Variants in PDE4B observed in about 807,000 individuals in gnomAD.
PDE4B encodes phosphodiesterase 4B.
PDE4B carries 20 observed loss-of-function variants against 82.2 expected under a neutral mutation model. The ratio of observed to expected loss-of-function variants is 0.24; its 90% CI spans 0.17 to 0.35. The LOEUF is 0.35. Ranked by LOEUF, PDE4B falls within the 10% of genes least tolerant of loss-of-function variation. PDE4B has a pLI of 1.00. For synonymous variants in PDE4B, 320 were observed against 318.9 expected, an observed-to-expected ratio of 1.00 and a Z score of -0.04; for missense variants, 655 against 907.2, an observed-to-expected ratio of 0.72 and a Z score of 3.57.
intron 3 of PDE4B, among the ~76,000 whole-genome samples, chr1:66,240,804 G>A (rs1022750569): frequency 6.9e-6 from 1 of 145,192 alleles, no homozygotes; most frequent in Non-Finnish European, 1.5e-5. Context: ...TCTCCAAAAT[G>A]TCTGCAAGTT....
At chr1:66,036,421 CT>C (rs1208272920) in intron 3 of PDE4B, among the ~76,000 whole-genome samples, 4 of 152,142 alleles carry the variant, frequency 2.6e-5, no homozygotes, top group African/African-American at 9.7e-5. Flanking sequence ...GTACTCTCCC[CT>C]AAGTACTTTT....
intron 10 of PDE4B, 127 bp downstream of exon 10, chr1:66,361,920 A>C: frequency 2.2e-5 from 16 of 715,454 alleles, no homozygotes; most frequent in Non-Finnish European, 2.6e-5. Flanking sequence ...AGGGAAGCTC[A>C]TATGAAATGA....
intron 4 of PDE4B, among the ~76,000 whole-genome samples, chr1:66,254,685 C>T (rs1467285914): frequency 2.0e-5 from 3 of 152,218 alleles, no homozygotes; most frequent in Non-Finnish European, 1.5e-5. Context: ...TTCCTTATTT[C>T]TACTCACGGC....
chr1:66,133,055 G>C (rs1426379827), intron 3 of PDE4B, among the ~76,000 whole-genome samples: 2 of 152,148 alleles, frequency 1.3e-5, no homozygotes, highest in East Asian at 3.8e-4. Context: ...TCAAGGACAA[G>C]GAACCCCAGC....
At chr1:65,893,347 C>G (rs1477481834) in intron 1 of PDE4B, among the ~76,000 whole-genome samples, 1 of 152,010 alleles carries the variant, frequency 6.6e-6, no homozygotes, top group East Asian at 1.9e-4. Flanking sequence ...AGAAGACTGA[C>G]TTACAAACAG....
intron 1 of PDE4B, among the ~76,000 whole-genome samples, chr1:65,804,641 T>C (rs1256264105): frequency 6.6e-6 from 1 of 151,996 alleles, no homozygotes; most frequent in African/African-American, 2.4e-5. Context: ...AATAGGGGAA[T>C]TGTGGCTGCC....
chr1:66,325,077 A>G (rs1659649299), intron 7 of PDE4B, among the ~76,000 whole-genome samples: 1 of 152,198 alleles, frequency 6.6e-6, no homozygotes, highest in Non-Finnish European at 1.5e-5. Context: ...TCCTATATGT[A>G]TGAAACTATT....
At chr1:65,901,960 G>T (rs1039258723) in intron 1 of PDE4B, among the ~76,000 whole-genome samples, 1 of 151,968 alleles carries the variant, frequency 6.6e-6, no homozygotes, top group African/African-American at 2.4e-5. Flanking sequence ...TGCTTCTGCT[G>T]CATCCCAGAG....
chr1:66,048,914 T>A (rs1301174035), intron 3 of PDE4B: 1 of 151,990 alleles, frequency 6.6e-6, no homozygotes, highest in Admixed American at 6.6e-5. Context: ...CCTCCATTTT[T>A]AAGTTACATT....
intron 1 of PDE4B, among the ~76,000 whole-genome samples, chr1:65,872,536 CAAT>C (rs1185352641): frequency 6.6e-6 from 1 of 151,986 alleles, no homozygotes; most frequent in East Asian, 1.9e-4. Context: ...CCTCAGCACT[CAAT>C]GAATAGATTG....
In PDE4B at chr1:66,250,603, A is replaced by C. The variant is rs531648953; in HGVS notation, c.476+2949A>C. On this transcript the variant is annotated intron_variant, in intron 4 of 16. Transcript: ENST00000341517. The stretch of plus-strand genomic sequence containing the variant: ...TAAAGCAAGATCACCATTGGGTCCC[A>C]AAAGGCAATTTCAGATGCTTTCCTA... Among the ~76,000 whole-genome samples, 11 of 152,366 alleles carry C rather than the reference A, an allele frequency of 7.2e-5. No homozygotes were observed. The East Asian group carries it at 1.5e-3, about 21-fold the overall frequency.
At chr1:66,329,475 G>A (rs1449653406) in intron 7 of PDE4B, among the ~76,000 whole-genome samples, 2 of 152,152 alleles carry the variant, frequency 1.3e-5, no homozygotes, top group Non-Finnish European at 2.9e-5. Context: ...AAGGGGCCCT[G>A]CACTTTCATT....
At chr1:66,219,510 A>G (rs577403893) in intron 3 of PDE4B, among the ~76,000 whole-genome samples, 5 of 152,260 alleles carry the variant, frequency 3.3e-5, no homozygotes, top group Non-Finnish European at 7.4e-5. Flanking sequence ...TCATGGGAAA[A>G]GTTGAAATCC....
intron 3 of PDE4B, among the ~76,000 whole-genome samples, chr1:66,187,531 AAGAT>A (rs1647292672): frequency 6.6e-6 from 1 of 152,176 alleles, no homozygotes; most frequent in South Asian, 2.1e-4. Context: ...GGTCTATTCA[AAGAT>A]TTAACTTCTT....
intron 3 of PDE4B, among the ~76,000 whole-genome samples, chr1:65,962,275 C>T (rs961574130): frequency 1.3e-5 from 2 of 152,002 alleles, no homozygotes; most frequent in African/African-American, 2.4e-5. Flanking sequence ...TTCCTAAGGT[C>T]AAAAAGGGGT....
intron 6 of PDE4B, among the ~76,000 whole-genome samples, chr1:66,264,559 C>A (rs909740014): frequency 6.6e-6 from 1 of 152,202 alleles, no homozygotes; most frequent in East Asian, 1.9e-4. Flanking sequence ...AATTTCCCTT[C>A]TCTTGTCACA....
rs368835874 is a variant in PDE4B, at chr1:66,257,523, C to A, written c.477-124C>A. The A allele has an allele frequency of 2.8e-5, 28 of 990,104 alleles. No homozygotes were observed. The African/African-American group carries it at 4.3e-4, about 15-fold the overall frequency. 61.3% of individuals were successfully genotyped at this position (990,104 alleles called of 1,614,324 possible). On this transcript the variant is annotated intron_variant, in intron 4 of 16. Coordinates refer to ENST00000341517, the MANE Select transcript of PDE4B (RefSeq NM_002600.4). ...CCAAATTGTGAGTCCTGTCTTATAT[C>A]CAGGTAGAAGAACTTGTATAACATT...
intron 3 of PDE4B, among the ~76,000 whole-genome samples, chr1:66,181,585 T>C (rs1278594159): frequency 6.6e-6 from 1 of 152,224 alleles, no homozygotes; most frequent in Non-Finnish European, 1.5e-5. Flanking sequence ...CCAGGTTGAC[T>C]TTCTACATTG....
At chr1:66,328,618 T>A (rs1056451296) in intron 7 of PDE4B, among the ~76,000 whole-genome samples, 2 of 152,216 alleles carry the variant, frequency 1.3e-5, no homozygotes, top group Admixed American at 6.5e-5. Context: ...ATGCACTTCC[T>A]CACTTCCTGT....
Sources: allele counts gnomAD v4.1 joint callset (sites outside exome capture counted in the v4.1 genomes callset), GRCh38; gene constraint gnomAD v4.1.1; transcripts MANE v1.5; gene names NCBI Gene and HGNC (gene_info 2026-07-23, HGNC 2026-07-21).